Variants in NUDCD3 observed in about 807,000 individuals in gnomAD.
NUDCD3 encodes the protein nudC domain-containing protein 3.
NUDCD3 carries 13 observed loss-of-function variants against 39.7 expected under a neutral mutation model. The ratio of observed to expected loss-of-function variants is 0.33; its 90% CI spans 0.21 to 0.52. The LOEUF is 0.52. Ranked by LOEUF, NUDCD3 falls within the 20% of genes least tolerant of loss-of-function variation. The pLI, the probability that NUDCD3 is intolerant of heterozygous loss-of-function variation, is 0.96. For missense variants in NUDCD3, 453 were observed against 458.1 expected (o/e 0.99, Z 0.10); for synonymous variants, 175 against 172.4 (o/e 1.02, Z -0.12).
chr7:44,432,099 G>A (rs773172204), intron 2 of NUDCD3, among the ~76,000 whole-genome samples: 6 of 152,120 alleles, frequency 3.9e-5, no homozygotes, highest in East Asian at 1.9e-4. Flanking sequence ...TCTGGGCAAC[G>A]TAGGAAGACC....
chr7:44,468,195 C>T (rs371217894), intron 2 of NUDCD3: 14 of 1,600,666 alleles, frequency 8.7e-6, no homozygotes, highest in Non-Finnish European at 1.2e-5. Flanking sequence ...GCCGAGATCG[C>T]TCACAATGTT....
intron 2 of NUDCD3, among the ~76,000 whole-genome samples, chr7:44,451,607 G>C (rs1425143883): frequency 6.6e-6 from 1 of 151,910 alleles, no homozygotes; most frequent in Non-Finnish European, 1.5e-5. Context: ...CAGAGCCGTG[G>C]TTGCCTAAGG....
chr7:44,422,792 T>G (rs1283318008), intron 3 of NUDCD3, among the ~76,000 whole-genome samples: 2 of 152,188 alleles, frequency 1.3e-5, no homozygotes, highest in Non-Finnish European at 1.5e-5. Flanking sequence ...TAACTCATTT[T>G]ATGAGGCCAG....
At chr7:44,485,478 C>T in intron 1 of NUDCD3, 194 bp from the exon 2 acceptor site, 1 of 539,394 alleles carries the variant, frequency 1.9e-6, no homozygotes, top group African/African-American at 1.9e-5. Flanking sequence ...AGGAGGATTC[C>T]AAAATCAACA....
Position 44,490,244 on chromosome 7 carries a change from G to T in NUDCD3, c.192+165C>A, listed in dbSNP as rs565592688. 1.3e-5 allele frequency: 9 copies of T among 666,732 alleles called. No individual in the cohort carries two copies. In the South Asian group the frequency reaches 1.6e-4, roughly 12 times the overall value. 41.3% of individuals were successfully genotyped at this position (666,732 alleles called of 1,614,324 possible). ...AGCGAACACCTCAGCGGAATAAGCT[G>T]ACATCCAATCCGCGCTTCAAATTAC... On this transcript the variant is annotated intron_variant, in intron 1 of 5. Coordinates refer to ENST00000355451, the MANE Select transcript of NUDCD3 (RefSeq NM_015332.4).
At chr7:44,480,510 T>C (rs775081762) in intron 2 of NUDCD3, among the ~76,000 whole-genome samples, 2 of 152,148 alleles carry the variant, frequency 1.3e-5, no homozygotes, top group South Asian at 4.1e-4. Context: ...ATCATGAAAA[T>C]ATCTGTATAA....
chr7:44,406,488 C>A (rs1798823019), intron 3 of NUDCD3, among the ~76,000 whole-genome samples: 1 of 152,208 alleles, frequency 6.6e-6, no homozygotes, highest in Non-Finnish European at 1.5e-5. Flanking sequence ...GGAAACACGA[C>A]ACAGAGGGCC....
At chr7:44,455,636 G>A (rs780276087) in intron 2 of NUDCD3, among the ~76,000 whole-genome samples, 18 of 152,326 alleles carry the variant, frequency 1.2e-4, no homozygotes, top group Middle Eastern at 6.8e-3. Context: ...GAGTGCATGT[G>A]AGTGTGCATT....
intron 2 of NUDCD3, among the ~76,000 whole-genome samples, chr7:44,452,863 T>A (rs1244888113): frequency 2.0e-5 from 3 of 152,192 alleles, no homozygotes; most frequent in Admixed American, 6.5e-5. Context: ...AAACTGTAGC[T>A]CCTTTGCTAT....
At chr7:44,457,465 G>A (rs1448115973) in intron 2 of NUDCD3, among the ~76,000 whole-genome samples, 1 of 152,136 alleles carries the variant, frequency 6.6e-6, no homozygotes, top group Non-Finnish European at 1.5e-5. Context: ...TAGCAAAGCT[G>A]CAGGTTACAA....
chr7:44,404,698 T>C, intron 3 of NUDCD3, 115 bp from the exon 4 acceptor site: 12 of 1,072,212 alleles, frequency 1.1e-5, no homozygotes, highest in Non-Finnish European at 1.6e-5. Context: ...AGCGCTGTCA[T>C]CAGGCTCACC....
chr7:44,416,500 A>T (rs578196198), intron 3 of NUDCD3, among the ~76,000 whole-genome samples: 2 of 152,314 alleles, frequency 1.3e-5, no homozygotes, highest in South Asian at 4.1e-4. Context: ...TCAAAAAAAA[A>T]TAAAAAATAA....
chr7:44,485,734 C>T (rs1800596452), intron 1 of NUDCD3: 2 of 160,024 alleles, frequency 1.2e-5, no homozygotes, highest in South Asian at 3.6e-4. Flanking sequence ...CTGTTTTTCA[C>T]CACACTGCAT....
At position 44,425,382 on chromosome 7, in the gene NUDCD3, A is replaced by C. The variant is rs553561065; in HGVS notation, c.642+2189T>G. 2.3e-3 allele frequency among the ~76,000 whole-genome samples: 346 copies of C among 152,342 alleles called. 1 individual carries two copies. The highest frequency in any genetic ancestry group is 3.7e-3 in the Non-Finnish European group (254 of 68,030). The stretch of plus-strand genomic sequence containing the variant: ...ACTTCACAGGTTGCAGGTTCTCATG[A>C]AGAAGGAAACATGGATACAGTTTCT... On this transcript the variant is annotated intron_variant, in intron 3 of 5. Coordinates refer to ENST00000355451, the MANE Select transcript of NUDCD3 (RefSeq NM_015332.4).
At chr7:44,423,422 C>T (rs562218075) in intron 3 of NUDCD3, among the ~76,000 whole-genome samples, 41 of 152,304 alleles carry the variant, frequency 2.7e-4, no homozygotes, top group African/African-American at 9.6e-4. Context: ...ACTCCTTAAG[C>T]TGATAAGCAA....
intron 2 of NUDCD3, chr7:44,484,676 C>T: frequency 3.2e-6 from 1 of 315,446 alleles, no homozygotes; most frequent in East Asian, 6.1e-5. Flanking sequence ...AGCCTCTAAA[C>T]ACAGATAAAG....
At chr7:44,427,400 T>A (rs1487877357) in intron 3 of NUDCD3, among the ~76,000 whole-genome samples, 171 bp downstream of exon 3, 1 of 152,028 alleles carries the variant, frequency 6.6e-6, no homozygotes, top group Non-Finnish European at 1.5e-5. Flanking sequence ...ACAAACAGAA[T>A]AAGGGGAGCA....
At chr7:44,472,416 T>TAAA in intron 2 of NUDCD3, among the ~76,000 whole-genome samples, 1 of 152,128 alleles carries the variant, frequency 6.6e-6, no homozygotes, top group East Asian at 1.9e-4. Context: ...AAGACTTGAG[T>TAAA]AAATAAGACA....
At chr7:44,422,608 A>G (rs894014701) in intron 3 of NUDCD3, among the ~76,000 whole-genome samples, 3 of 152,230 alleles carry the variant, frequency 2.0e-5, no homozygotes, top group Admixed American at 6.5e-5. Context: ...ATCCCTGAAA[A>G]GACCAATAAC....
Sources: allele counts gnomAD v4.1 joint callset (sites outside exome capture counted in the v4.1 genomes callset), GRCh38; gene constraint gnomAD v4.1.1; transcripts MANE v1.5; gene names NCBI Gene and HGNC (gene_info 2026-07-23, HGNC 2026-07-21).